RSF1: variants seen among roughly 807,000 people sequenced by gnomAD.
The protein encoded by RSF1 is remodeling and spacing factor 1.
In RSF1, 13 loss-of-function variants were observed where a neutral mutation model predicts 145.2. The ratio of observed to expected loss-of-function variants is 0.09; its 90% confidence interval spans 0.06 to 0.14. RSF1 has a LOEUF of 0.14. Ranked by LOEUF, RSF1 falls within the 10% of genes least tolerant of loss-of-function variation. RSF1 has a pLI of 1.00. For synonymous variants in RSF1, 577 were observed against 592.6 expected, an observed-to-expected ratio of 0.97 and a Z score of 0.38; for missense variants, 1,517 against 1,718.2, an observed-to-expected ratio of 0.88 and a Z score of 2.07.
At chr11:77,766,527 G>C (rs943297382) in intron 1 of RSF1, among the ~76,000 whole-genome samples, 3 of 152,134 alleles carry the variant, frequency 2.0e-5, no homozygotes, top group African/African-American at 4.8e-5. Flanking sequence ...GTGGGGAACA[G>C]TGTTCAAAGA....
At chr11:77,746,026 T>C (rs1011265171) in intron 3 of RSF1, among the ~76,000 whole-genome samples, 5 of 152,104 alleles carry the variant, frequency 3.3e-5, no homozygotes, top group Non-Finnish European at 7.4e-5. Context: ...TTACATACTT[T>C]TCAGTAGCAT....
upstream of RSF1, among the ~76,000 whole-genome samples, chr11:77,823,258 A>G (rs1407815634): frequency 4.6e-5 from 7 of 151,970 alleles, no homozygotes; most frequent in African/African-American, 1.4e-4. Context: ...TACTTCAGGA[A>G]AATATCTTTA....
At chr11:77,808,574 C>T (rs1399512613) in intron 1 of RSF1, among the ~76,000 whole-genome samples, 1 of 78,952 alleles carries the variant, frequency 1.3e-5, no homozygotes. Flanking sequence ...CGCTCTGTCG[C>T]CCAGGCTGGA....
the RSF1 span, among the ~76,000 whole-genome samples, chr11:77,830,574 C>T: frequency 6.7e-6 from 1 of 149,956 alleles, no homozygotes; most frequent in African/African-American, 2.5e-5. Flanking sequence ...AGGCAAGGTG[C>T]CCCCGACCCC....
At position 77,660,096 on chromosome 11, in the gene RSF1, G is replaced by C. The variant is rs1959218210; in HGVS notation, c.*6821C>G. ...ATAATAAAACATTTTGAAAGAAAAA[G>C]TTACACAATTAGGCCAATAGCTATA... is the stretch of plus-strand genomic sequence containing the variant. On this transcript the variant is annotated 3_prime_UTR_variant, in exon 16 of 16. Coordinates refer to ENST00000308488, the MANE Select transcript of RSF1 (RefSeq NM_016578.4). 2 of 152,148 alleles carry C rather than the reference G, an allele frequency of 1.3e-5. No individual in the cohort carries two copies. The highest frequency in any genetic ancestry group is 2.1e-4 in the South Asian group (1 of 4,832). 9.4% of individuals were successfully genotyped at this position (152,148 alleles called of 1,614,324 possible).
At chr11:77,709,586 T>A (rs901533020) in intron 5 of RSF1, among the ~76,000 whole-genome samples, 2 of 152,166 alleles carry the variant, frequency 1.3e-5, no homozygotes, top group Non-Finnish European at 2.9e-5. Flanking sequence ...TGGGTTCAAA[T>A]ACTGAAATTA....
At chr11:77,761,014 G>A (rs950790955) in intron 2 of RSF1, among the ~76,000 whole-genome samples, 15 of 151,506 alleles carry the variant, frequency 9.9e-5, no homozygotes, top group African/African-American at 3.2e-4. Context: ...TGCAACCTCC[G>A]CCTCCCTGCA....
intron 1 of RSF1, among the ~76,000 whole-genome samples, chr11:77,771,133 AAAAG>A (rs1471845932): frequency 3.3e-5 from 5 of 152,210 alleles, no homozygotes; most frequent in Admixed American, 6.5e-5. Context: ...AACAAATTTA[AAAAG>A]AAAGAATGAC....
the RSF1 span, chr11:77,866,352 C>T: frequency 7.9e-5 from 12 of 152,304 alleles, no homozygotes; most frequent in African/African-American, 2.6e-4. Flanking sequence ...GAATCAGACA[C>T]TCAATAGGAA....
chr11:77,861,125 C>T, the RSF1 span, among the ~76,000 whole-genome samples: 42 of 152,172 alleles, frequency 2.8e-4, no homozygotes, highest in East Asian at 7.3e-3. Flanking sequence ...CCATATTGTC[C>T]TTCTGTTGCC....
chr11:77,827,886 A>G, the RSF1 span, among the ~76,000 whole-genome samples: 1 of 152,210 alleles, frequency 6.6e-6, no homozygotes, highest in Admixed American at 6.6e-5. Context: ...CCACAAATAA[A>G]GCTATTAGAA....
chr11:77,672,349 A>T (rs2511336), intron 14 of RSF1, 119 bp from the exon 15 acceptor site: 1 of 779,012 alleles, frequency 1.3e-6, no homozygotes, highest in African/African-American at 1.8e-5. Context: ...TTAAGTGAAC[A>T]GTAACTTTTA....
chr11:77,757,359 C>T (rs937266190), intron 2 of RSF1, among the ~76,000 whole-genome samples: 1 of 152,098 alleles, frequency 6.6e-6, no homozygotes, highest in Non-Finnish European at 1.5e-5. Flanking sequence ...TATGGCGACC[C>T]AATGAGGCTC....
chr11:77,817,463 T>A (rs1281427433), intron 1 of RSF1, among the ~76,000 whole-genome samples: 1 of 152,186 alleles, frequency 6.6e-6, no homozygotes, highest in East Asian at 1.9e-4. Flanking sequence ...CCATGAAGTA[T>A]GTCAAGGCAG....
intron 15 of RSF1, among the ~76,000 whole-genome samples, chr11:77,669,285 C>T (rs1565142228): frequency 6.6e-6 from 1 of 152,158 alleles, no homozygotes. Flanking sequence ...AATGGGTCTT[C>T]TAGCTTCTGC....
At chr11:77,691,266 T>C (rs1960143295) in intron 8 of RSF1, 28 bp from the exon 9 acceptor site, 1 of 1,599,844 alleles carries the variant, frequency 6.3e-7, no homozygotes. Flanking sequence ...ATAAAAGTCA[T>C]TTTAAACAAC....
At chr11:77,819,883 G>T (rs1007043212) in intron 1 of RSF1, among the ~76,000 whole-genome samples, 13 of 151,944 alleles carry the variant, frequency 8.6e-5, no homozygotes, top group African/African-American at 3.1e-4. Flanking sequence ...CCCCTCCCGT[G>T]GGGGAGGAGC....
At chr11:77,668,191 G>A (rs921974647) in intron 15 of RSF1, among the ~76,000 whole-genome samples, 4 of 151,976 alleles carry the variant, frequency 2.6e-5, no homozygotes, top group African/African-American at 4.8e-5. Flanking sequence ...TAGTAGAGAC[G>A]GGGTTTCACC....
chr11:77,791,473 A>C (rs4945215), intron 1 of RSF1, among the ~76,000 whole-genome samples: 23,843 of 152,180 alleles, frequency 0.16, 2,188 homozygotes, highest in African/African-American at 0.22. Context: ...GTGCAAATTT[A>C]TGCAGCAGAC....
Sources: gnomAD v4.1 joint callset for allele counts (sites outside exome capture counted in the v4.1 genomes callset) on GRCh38, gnomAD v4.1.1 for gene constraint, MANE v1.5 for transcripts, NCBI Gene and HGNC (gene_info 2026-07-23, HGNC 2026-07-21) for gene names.